Variants in SVIL observed in about 807,000 individuals in gnomAD.
SVIL encodes archvillin.
SVIL carries 101 observed loss-of-function variants against 240.4 expected under a neutral mutation model. The ratio of observed to expected loss-of-function variants is 0.42; its 90% CI spans 0.36 to 0.50. The LOEUF (loss-of-function observed/expected upper bound fraction) is 0.50, where lower values mean the gene tolerates loss of function less well. SVIL is among the 20% of genes least tolerant of loss of function. SVIL has a pLI of 0.01. For missense variants in SVIL, 2,512 were observed against 2,818.7 expected (o/e 0.89, Z 2.46); for synonymous variants, 999 against 1,100.0 (o/e 0.91, Z 1.82).
At chr10:29,507,653 G>T (rs917746713) in intron 17 of SVIL, 2 of 633,582 alleles carry the variant, frequency 3.2e-6, no homozygotes, top group Non-Finnish European at 3.9e-6. Context: ...CACCAAATAA[G>T]TTATTTCCCA....
intron 3 of SVIL, among the ~76,000 whole-genome samples, chr10:29,647,840 C>G (rs976508167): frequency 6.6e-5 from 10 of 151,852 alleles, no homozygotes; most frequent in Non-Finnish European, 1.2e-4. Context: ...GCTTGCTTTC[C>G]CAATTTAGAA....
intron 5 of SVIL, among the ~76,000 whole-genome samples, chr10:29,553,670 C>T (rs12571129): frequency 0.3 from 45,456 of 152,046 alleles, 7,090 homozygotes; most frequent in African/African-American, 0.39. Context: ...AGCAGCCCTG[C>T]GTGCATTCTC....
intron 1 of SVIL, among the ~76,000 whole-genome samples, chr10:29,599,578 G>A (rs1427107554): frequency 6.6e-6 from 1 of 152,090 alleles, no homozygotes; most frequent in Non-Finnish European, 1.5e-5. Flanking sequence ...ACCACAGCCA[G>A]CTAATCTTTT....
chr10:29,579,157 G>A (rs1317805749), intron 1 of SVIL, among the ~76,000 whole-genome samples: 3 of 151,440 alleles, frequency 2.0e-5, no homozygotes, highest in Non-Finnish European at 4.4e-5. Flanking sequence ...GGGACAATGG[G>A]CCAGGCACAG....
At position 29,531,245 on chromosome 10, in the gene SVIL, G is replaced by T; in HGVS notation, c.2044+9C>A. On this transcript the variant is annotated intron_variant, in intron 10 of 37. Transcript: ENST00000355867. Reference sequence around the variant, plus strand: ...ATAAAGAAGAAAAAAAAGGGAAACAGGTACTTGCCATCGACAGTTGGCGTT... The same window carrying T: ...ATAAAGAAGAAAAAAAAGGGAAACATGTACTTGCCATCGACAGTTGGCGTT... 1 of 1,613,636 alleles carries T rather than the reference G, an allele frequency of 6.2e-7. No individual in the cohort carries two copies.
At chr10:29,545,853 CAAAAAAAAAAA>C (rs755360700) in intron 6 of SVIL, among the ~76,000 whole-genome samples, 2 of 63,590 alleles carry the variant, frequency 3.1e-5, no homozygotes, top group South Asian at 1.3e-3. Flanking sequence ...GACTCTGTCT[CAAAAAAAAAAA>C]AAAAAAAAAA....
chr10:29,632,523 T>C (rs1292560024), intron 1 of SVIL, among the ~76,000 whole-genome samples: 1 of 150,954 alleles, frequency 6.6e-6, no homozygotes, highest in Admixed American at 6.6e-5. Flanking sequence ...AAAAAAAGAA[T>C]ACTATATAAC....
At chr10:29,541,122 T>G (rs1224488491) in intron 6 of SVIL, among the ~76,000 whole-genome samples, 11 of 152,248 alleles carry the variant, frequency 7.2e-5, no homozygotes. Context: ...CCTCTTTTAT[T>G]TTCTCTTCAT....
In SVIL at chr10:29,465,024, C is replaced by T. The variant is rs534629719; in HGVS notation, c.6133+571G>A. Among the ~76,000 whole-genome samples the T allele has an allele frequency of 2.3e-3, 346 of 152,288 alleles. 1 individual carries two copies. The highest frequency in any genetic ancestry group is 6.8e-3 in the Middle Eastern group (2 of 294). On this transcript the variant is annotated intron_variant, in intron 34 of 37. Coordinates refer to ENST00000355867, the MANE Select transcript of SVIL (RefSeq NM_021738.3). ...TTCCCTGGCTAACTTAGCCAATACC[C>T]CAACATCCTTCTCCTCTGCCATTTG...
chr10:29,524,830 C>T (rs978872676), intron 13 of SVIL, 115 bp from the exon 14 acceptor site: 4 of 1,517,572 alleles, frequency 2.6e-6, no homozygotes, highest in Middle Eastern at 1.8e-4. Context: ...CTTCTTTTTC[C>T]CTAAGCACGT....
rs1312062714 is a variant in SVIL, at chr10:29,491,031, A to G, written c.4020-12T>C. 1 of 1,611,678 alleles carries G rather than the reference A, an allele frequency of 6.2e-7. No individual in the cohort carries two copies. The highest frequency in any genetic ancestry group is 8.5e-7 in the Non-Finnish European group (1 of 1,178,848). ...CGGAAGACGTCAATCTGCGGATGGA[A>G]GCAGAGCCGCGGTCCCAGTCTGTGA... is the stretch of plus-strand genomic sequence containing the variant. On this transcript the variant is annotated splice_polypyrimidine_tract_variant and intron_variant, in intron 21 of 37. Transcript: ENST00000355867.
At chr10:29,675,547 C>T (rs549798187) in intron 2 of SVIL, among the ~76,000 whole-genome samples, 1 of 152,250 alleles carries the variant, frequency 6.6e-6, no homozygotes, top group African/African-American at 2.4e-5. Flanking sequence ...ATGTTACTCC[C>T]ACCCACACAG....
intron 2 of SVIL, among the ~76,000 whole-genome samples, chr10:29,676,807 T>C (rs1960240048): frequency 6.6e-6 from 1 of 152,172 alleles, no homozygotes; most frequent in African/African-American, 2.4e-5. Context: ...GTAACGCCCA[T>C]TTGGCCGTTT....
At chr10:29,469,591 C>T (rs11007605) in intron 32 of SVIL, among the ~76,000 whole-genome samples, 14,431 of 152,266 alleles carry the variant, frequency 0.095, 854 homozygotes, top group Non-Finnish European at 0.13. Context: ...GACCACCTTA[C>T]CGGGGGGGCC....
At chr10:29,523,323 A>T (rs1163299467) in intron 15 of SVIL, 128 bp downstream of exon 15, 1 of 819,574 alleles carries the variant, frequency 1.2e-6, no homozygotes, top group African/African-American at 1.7e-5. Context: ...TTCCCGCTGA[A>T]CTTTTAACCA....
chr10:29,710,511 A>C (rs1963203043), intron 1 of SVIL, among the ~76,000 whole-genome samples: 1 of 152,226 alleles, frequency 6.6e-6, no homozygotes, highest in Non-Finnish European at 1.5e-5. Flanking sequence ...AAACTCAATA[A>C]ATGAGCAAAG....
intron 12 of SVIL, 81 bp downstream of exon 12, chr10:29,529,624 A>G (rs1295373069): frequency 2.1e-6 from 3 of 1,450,612 alleles, no homozygotes; most frequent in African/African-American, 2.9e-5. Context: ...CCAATGCCTC[A>G]TTTTCATTGA....
intron 2 of SVIL, 35 bp from the exon 3 acceptor site, chr10:29,563,327 TTAAA>T: frequency 2.1e-6 from 2 of 939,740 alleles, no homozygotes; most frequent in Non-Finnish European, 2.5e-6. Context: ...TTAAGTCCAT[TTAAA>T]TAAAGATATA....
At chr10:29,683,451 A>C (rs750417884) in intron 2 of SVIL, among the ~76,000 whole-genome samples, 5 of 152,190 alleles carry the variant, frequency 3.3e-5, no homozygotes, top group Non-Finnish European at 5.9e-5. Context: ...GCTGGGTCTG[A>C]ATTCCAAAAG....
Sources: allele counts gnomAD v4.1 joint callset (sites outside exome capture counted in the v4.1 genomes callset), GRCh38; gene constraint gnomAD v4.1.1; transcripts MANE v1.5; gene names NCBI Gene and HGNC (gene_info 2026-07-23, HGNC 2026-07-21).